Variants in LRP1B observed in about 807,000 individuals in gnomAD.
LRP1B encodes the protein low-density lipoprotein receptor-related protein 1B.
Under a neutral mutation model 556.6 loss-of-function variants are expected in LRP1B, and 217 were observed. The ratio of observed to expected loss-of-function variants is 0.39; its 90% confidence interval spans 0.35 to 0.44. LRP1B has a LOEUF of 0.44. Among genes scored for constraint, LRP1B ranks in the 20% least tolerant of loss-of-function variants. The pLI, the probability that LRP1B is intolerant of heterozygous loss-of-function variation, is 1.00. For missense variants in LRP1B, 5,053 were observed against 5,620.8 expected, an observed-to-expected ratio of 0.90 and a Z score of 3.23; for synonymous variants, 2,047 against 1,865.8, an observed-to-expected ratio of 1.10 and a Z score of -2.50.
At chr2:141,287,527 C>T (rs978981818) in intron 3 of LRP1B, among the ~76,000 whole-genome samples, 1 of 152,054 alleles carries the variant, frequency 6.6e-6, no homozygotes, top group Non-Finnish European at 1.5e-5. Context: ...CTAAATTTCT[C>T]TCTAAGCAAT....
Position 141,406,029 on chromosome 2 carries a change from C to T in LRP1B, c.343+74367G>A, listed in dbSNP as rs372218766. On this transcript the variant is annotated intron_variant, in intron 3 of 90. Transcript: ENST00000389484. ...GATGTATGGTTAACAAAATAGAGAG[C>T]GAAGAAATAGGCTTAATTCTGTTTA... Among the ~76,000 whole-genome samples the T allele has an allele frequency of 7.2e-5, 11 of 151,864 alleles. No individual in the cohort carries two copies. The East Asian group carries it at 7.7e-4, about 11-fold the overall frequency.
intron 83 of LRP1B, among the ~76,000 whole-genome samples, chr2:140,301,582 A>G (rs1683824239): frequency 6.6e-6 from 1 of 152,108 alleles, no homozygotes; most frequent in African/African-American, 2.4e-5. Flanking sequence ...CACTGAAGGT[A>G]CAGCTTTTTT....
At chr2:141,794,853 T>G (rs1194524196) in intron 2 of LRP1B, among the ~76,000 whole-genome samples, 2 of 152,100 alleles carry the variant, frequency 1.3e-5, no homozygotes, top group African/African-American at 4.8e-5. Context: ...AGATTGTTTT[T>G]AAAGTGTAAG....
At chr2:140,411,218 T>A (rs1240314169) in intron 66 of LRP1B, among the ~76,000 whole-genome samples, 1 of 152,136 alleles carries the variant, frequency 6.6e-6, no homozygotes, top group Non-Finnish European at 1.5e-5. Flanking sequence ...TACATCTGAA[T>A]GAGAACATAT....
chr2:140,967,267 T>C (rs1462873062), intron 18 of LRP1B, among the ~76,000 whole-genome samples: 1 of 151,848 alleles, frequency 6.6e-6, no homozygotes, highest in East Asian at 1.9e-4. Context: ...ACATCCCTTG[T>C]AAGTTGGTTT....
At chr2:141,674,453 C>A (rs1428399509) in intron 2 of LRP1B, among the ~76,000 whole-genome samples, 1 of 151,960 alleles carries the variant, frequency 6.6e-6, no homozygotes, top group Non-Finnish European at 1.5e-5. Context: ...AAGATAATTG[C>A]AGTGATTCCA....
rs1272408212 is a variant in LRP1B, at chr2:140,234,927, A to AT, written c.13561-44_13561-43insA. 5.3e-6 allele frequency: 4 copies of AT among 747,778 alleles called. No homozygotes were observed. The African/African-American group carries it at 7.0e-5, about 13-fold the overall frequency. The allele number at this position is 747,778 out of a possible 1,614,324, so 46.3% of individuals were successfully genotyped here. ...ATTTTAGTTTCTGATCTAATATTAT[A>AT]GAATCACTTTTCATCGATACATATC... On this transcript the variant is annotated intron_variant, in intron 89 of 90. Coordinates refer to ENST00000389484, the MANE Select transcript of LRP1B (RefSeq NM_018557.3).
chr2:141,538,787 T>G (rs1685149899), intron 2 of LRP1B, among the ~76,000 whole-genome samples: 1 of 152,108 alleles, frequency 6.6e-6, no homozygotes, highest in Admixed American at 6.6e-5. Context: ...TATAAGCATG[T>G]GCTACCACAC....
At chr2:140,635,841 T>C (rs991469998) in intron 41 of LRP1B, among the ~76,000 whole-genome samples, 3 of 152,108 alleles carry the variant, frequency 2.0e-5, no homozygotes, top group South Asian at 4.1e-4. Flanking sequence ...GGTAATTTAA[T>C]AGGATTCATT....
chr2:141,268,008 A>AT (rs1359888212), intron 3 of LRP1B, among the ~76,000 whole-genome samples: 3 of 152,168 alleles, frequency 2.0e-5, no homozygotes, highest in African/African-American at 4.8e-5. Flanking sequence ...GTGAAAAGTC[A>AT]TTTTTCCCCT....
intron 41 of LRP1B, among the ~76,000 whole-genome samples, chr2:140,649,605 T>G (rs1298144566): frequency 1.3e-5 from 2 of 152,192 alleles, no homozygotes; most frequent in African/African-American, 4.8e-5. Flanking sequence ...CTGCTAAAGT[T>G]TGCTTCTTTG....
intron 7 of LRP1B, among the ~76,000 whole-genome samples, chr2:141,176,796 T>C (rs1357029890): frequency 6.6e-6 from 1 of 152,076 alleles, no homozygotes; most frequent in African/African-American, 2.4e-5. Context: ...ATAAAGAGGA[T>C]TTTGAAAAAG....
intron 1 of LRP1B, among the ~76,000 whole-genome samples, chr2:141,957,729 T>G (rs1335693253): frequency 1.3e-5 from 2 of 151,960 alleles, no homozygotes; most frequent in Non-Finnish European, 2.9e-5. Context: ...ATGGCATTGA[T>G]TTGTAGGAGG....
chr2:140,550,652 A>AAAACTAATG (rs1680514547), intron 43 of LRP1B, among the ~76,000 whole-genome samples: 1 of 152,162 alleles, frequency 6.6e-6, no homozygotes, highest in South Asian at 2.1e-4. Flanking sequence ...GGAGGCTTGG[A>AAAACTAATG]AAACTAATGC....
intron 2 of LRP1B, among the ~76,000 whole-genome samples, chr2:141,631,011 T>G (rs1486570110): frequency 6.6e-6 from 1 of 152,154 alleles, no homozygotes; most frequent in Non-Finnish European, 1.5e-5. Context: ...CATGCTGCTA[T>G]AAACGACTGC....
intron 32 of LRP1B, among the ~76,000 whole-genome samples, chr2:140,802,469 C>T (rs143937110): frequency 6.6e-5 from 10 of 152,220 alleles, no homozygotes; most frequent in African/African-American, 2.2e-4. Context: ...AAATTATCCA[C>T]GAATATAATT....
intron 2 of LRP1B, among the ~76,000 whole-genome samples, chr2:141,695,782 T>C (rs1453169604): frequency 6.6e-6 from 1 of 151,980 alleles, no homozygotes; most frequent in African/African-American, 2.4e-5. Context: ...GGGCCAAGTT[T>C]GGCTGAAAAC....
At chr2:141,047,049 A>AG in intron 11 of LRP1B, among the ~76,000 whole-genome samples, 2 of 6,136 alleles carry the variant, frequency 3.3e-4, no homozygotes, top group African/African-American at 2.7e-4. Flanking sequence ...AGCACTGCAC[A>AG]AAAATTAATA....
intron 3 of LRP1B, among the ~76,000 whole-genome samples, chr2:141,421,038 T>G (rs962757778): frequency 2.6e-5 from 4 of 152,226 alleles, no homozygotes; most frequent in African/African-American, 9.6e-5. Context: ...TAGCTGTTCT[T>G]GGCTTTGTGC....
Sources: allele counts gnomAD v4.1 joint callset (sites outside exome capture counted in the v4.1 genomes callset), GRCh38; gene constraint gnomAD v4.1.1; transcripts MANE v1.5; gene names NCBI Gene and HGNC (gene_info 2026-07-23, HGNC 2026-07-21).